Variants in SLC44A1 observed in about 807,000 individuals in gnomAD.
The protein encoded by SLC44A1 is choline transporter-like protein 1.
SLC44A1 carries 26 observed loss-of-function variants against 79.3 expected under a neutral mutation model. The ratio of observed to expected loss-of-function variants is 0.33; its 90% CI spans 0.24 to 0.46. The LOEUF is 0.46. SLC44A1 is among the 20% of genes least tolerant of loss of function. SLC44A1 has a pLI of 1.00. For synonymous variants in SLC44A1, 263 were observed against 286.2 expected (o/e 0.92, Z 0.82); for missense variants, 688 against 798.1 (o/e 0.86, Z 1.66).
chr9:105,433,115 G>A (rs1345599449), intron 15 of SLC44A1, among the ~76,000 whole-genome samples: 1 of 152,018 alleles, frequency 6.6e-6, no homozygotes, highest in African/African-American at 2.4e-5. Flanking sequence ...GGCCAACATG[G>A]AGAAACCCTG....
Position 105,385,446 on chromosome 9 carries a change from G to A in SLC44A1, c.1894G>A (p.Ala632Thr), listed in dbSNP as rs1828602264. The A allele has an allele frequency of 6.3e-7, 1 of 1,586,674 alleles. No individual in the cohort carries two copies. Among genetic ancestry groups the A allele is most frequent in the Non-Finnish European group, 8.6e-7 (1 of 1,166,102 alleles). ...LMEFVENSRK[A>T]MKEAGKGGVA... ...GGAGTTTGTGGAAAACAGTAGGAAA[G>A]CAATGAAAGAAGCTGGTAAGGGAGG... Residue 632 changes from alanine (A) to threonine (T), a missense_variant, in exon 15 of 16, where the codon GCA becomes ACA. Physicochemically the swap from Ala to Thr is moderately conservative, Grantham distance 58. Transcript: ENST00000374720.
intron 8 of SLC44A1, 59 bp from the exon 9 acceptor site, chr9:105,362,762 A>AT: frequency 7.5e-7 from 1 of 1,337,262 alleles, no homozygotes; most frequent in South Asian, 1.7e-5. Context: ...AATTTCTACT[A>AT]TTTTCGGTTT....
chr9:105,316,626 G>A (rs1831334321), intron 3 of SLC44A1, among the ~76,000 whole-genome samples: 1 of 152,186 alleles, frequency 6.6e-6, no homozygotes, highest in Admixed American at 6.5e-5. Context: ...TGTGCTTGAA[G>A]ACCTTGCATT....
chr9:105,335,759 A>C (rs1175796342), intron 4 of SLC44A1, 60 bp downstream of exon 4: 20 of 1,502,250 alleles, frequency 1.3e-5, no homozygotes, highest in Admixed American at 1.9e-5. Context: ...GTTAAATATA[A>C]ATTTGCCCTA....
intron 15 of SLC44A1, among the ~76,000 whole-genome samples, chr9:105,413,508 CACAGACCAAAGATG>C (rs1564056263): frequency 6.6e-6 from 1 of 152,218 alleles, no homozygotes; most frequent in African/African-American, 2.4e-5. Flanking sequence ...CCAACAGAAC[CACAGACCAAAGATG>C]GCAGAACCAA....
At chr9:105,314,785 T>C (rs1486197847) in intron 3 of SLC44A1, among the ~76,000 whole-genome samples, 1 of 152,248 alleles carries the variant, frequency 6.6e-6, no homozygotes, top group Non-Finnish European at 1.5e-5. Flanking sequence ...TGCATAATCT[T>C]TACCAGATTA....
intron 15 of SLC44A1, among the ~76,000 whole-genome samples, chr9:105,387,038 C>CAA (rs1554688948): frequency 4.6e-5 from 1 of 21,806 alleles, no homozygotes; most frequent in Non-Finnish European, 8.5e-5. Context: ...GACTCCATCT[C>CAA]AAAAAAAAAA....
intron 3 of SLC44A1, among the ~76,000 whole-genome samples, chr9:105,311,462 C>G (rs1831178575): frequency 1.3e-5 from 2 of 152,102 alleles, no homozygotes; most frequent in Admixed American, 6.5e-5. Context: ...CAAGCCTGTT[C>G]TCACCATAAA....
intron 1 of SLC44A1, among the ~76,000 whole-genome samples, chr9:105,257,659 T>G (rs759989797): frequency 6.6e-6 from 1 of 151,852 alleles, no homozygotes; most frequent in Non-Finnish European, 1.5e-5. Context: ...AGTTGGGGAG[T>G]TGGCTTCCTG....
At chr9:105,404,623 C>T (rs551406596) in intron 15 of SLC44A1, among the ~76,000 whole-genome samples, 1 of 151,330 alleles carries the variant, frequency 6.6e-6, no homozygotes, top group Admixed American at 6.6e-5. Flanking sequence ...TGTAGGACTA[C>T]GATGATAAAT....
At chr9:105,249,944 C>T (rs1829544220) in intron 1 of SLC44A1, among the ~76,000 whole-genome samples, 1 of 149,544 alleles carries the variant, frequency 6.7e-6, no homozygotes, top group African/African-American at 2.5e-5. Flanking sequence ...TCATAGCTCA[C>T]TGCAGCTTTG....
In SLC44A1 at chr9:105,329,379, A is replaced by G. The variant is rs149842028; in HGVS notation, c.270-6184A>G. 9.7e-3 allele frequency among the ~76,000 whole-genome samples: 1,479 copies of G among 152,164 alleles called. 11 individuals are homozygous for G. The highest frequency in any genetic ancestry group is 0.051 in the Middle Eastern group (15 of 294). ...TCCTGATTGGAGAGGAGAGCAGCCAAATTCGGCAGGAGGCAGCCAAATTCG... is the reference window on the plus strand; with the variant it reads ...TCCTGATTGGAGAGGAGAGCAGCCAGATTCGGCAGGAGGCAGCCAAATTCG... On this transcript the variant is annotated intron_variant, in intron 3 of 15. Coordinates refer to ENST00000374720, the MANE Select transcript of SLC44A1 (RefSeq NM_080546.5).
At chr9:105,289,311 C>T (rs543604434) in intron 1 of SLC44A1, among the ~76,000 whole-genome samples, 2 of 152,312 alleles carry the variant, frequency 1.3e-5, no homozygotes, top group South Asian at 4.1e-4. Flanking sequence ...ATTATATATG[C>T]AACCATTTAG....
intron 15 of SLC44A1, among the ~76,000 whole-genome samples, chr9:105,417,856 AAAAC>A (rs1400216858): frequency 2.7e-5 from 4 of 150,430 alleles, no homozygotes; most frequent in African/African-American, 1.0e-4. Context: ...AAAAAAAAAA[AAAAC>A]AATTTAATTA....
At chr9:105,325,007 C>T (rs1044474497) in intron 3 of SLC44A1, among the ~76,000 whole-genome samples, 7 of 152,156 alleles carry the variant, frequency 4.6e-5, no homozygotes, top group African/African-American at 1.7e-4. Context: ...TTCGTATCTA[C>T]CCAAGAGAAC....
At chr9:105,354,604 G>A (rs1476349665) in intron 5 of SLC44A1, among the ~76,000 whole-genome samples, 3 of 152,096 alleles carry the variant, frequency 2.0e-5, no homozygotes, top group Non-Finnish European at 4.4e-5. Flanking sequence ...GGATGCAAGA[G>A]GCAATTTTAA....
chr9:105,292,032 ATGGT>A (rs1473466199), intron 1 of SLC44A1, among the ~76,000 whole-genome samples: 1 of 152,180 alleles, frequency 6.6e-6, no homozygotes, highest in Non-Finnish European at 1.5e-5. Context: ...GGAATCTATA[ATGGT>A]TGGTCTCTTA....
At chr9:105,295,043 T>A (rs956863769) in intron 1 of SLC44A1, among the ~76,000 whole-genome samples, 1 of 152,136 alleles carries the variant, frequency 6.6e-6, no homozygotes, top group Non-Finnish European at 1.5e-5. Flanking sequence ...TTGTTTTTAG[T>A]ATCCCTGGAT....
rs536418919 is a variant in SLC44A1, at chr9:105,368,065, G to T, written c.1494+1636G>T. ...AAAAATCCTGAAAAGGAGATGTGCAGTTATACTGAAGGAAGAAAACAAGTC... is the reference window on the plus strand; with the variant it reads ...AAAAATCCTGAAAAGGAGATGTGCATTTATACTGAAGGAAGAAAACAAGTC... On this transcript the variant is annotated intron_variant, in intron 12 of 15. Transcript: ENST00000374720. Among the ~76,000 whole-genome samples the T allele has an allele frequency of 1.4e-4, 21 of 152,134 alleles. No individual in the cohort carries two copies. The South Asian group carries it at 3.7e-3, about 27-fold the overall frequency.
Sources: allele counts gnomAD v4.1 joint callset (sites outside exome capture counted in the v4.1 genomes callset), GRCh38; gene constraint gnomAD v4.1.1; transcripts MANE v1.5; gene names NCBI Gene and HGNC (gene_info 2026-07-23, HGNC 2026-07-21).